PTPRD: variants seen among roughly 807,000 people sequenced by gnomAD.
The protein encoded by PTPRD is protein tyrosine phosphatase receptor type D.
Under a neutral mutation model 214.5 loss-of-function variants are expected in PTPRD, and 34 were observed. The observed-to-expected ratio is 0.16, with a 90% CI of 0.12 to 0.21. The LOEUF (loss-of-function observed/expected upper bound fraction) is 0.21, where lower values mean the gene tolerates loss of function less well. PTPRD is among the 10% of genes least tolerant of loss of function. PTPRD has a pLI of 1.00. For synonymous variants in PTPRD, 1,128 were observed against 845.7 expected (o/e 1.33, Z -5.79); for missense variants, 2,545 against 2,398.7 (o/e 1.06, Z -1.27).
intron 8 of PTPRD, among the ~76,000 whole-genome samples, chr9:9,490,689 A>C (rs10816143): frequency 0.7 from 105,338 of 151,556 alleles, 37,638 homozygotes; most frequent in African/African-American, 0.87. Flanking sequence ...GGATATAATT[A>C]CCATGGTAAT....
At chr9:8,936,372 A>AG (rs1379606537) in intron 11 of PTPRD, among the ~76,000 whole-genome samples, 4 of 135,118 alleles carry the variant, frequency 3.0e-5, no homozygotes, top group South Asian at 2.6e-4. Flanking sequence ...TGCGGCAGTG[A>AG]GCCTAGATTG....
chr9:8,839,317 TTTA>T (rs1324952995), intron 11 of PTPRD, among the ~76,000 whole-genome samples: 50 of 151,542 alleles, frequency 3.3e-4, no homozygotes, highest in Non-Finnish European at 6.2e-4. Context: ...TATTTATTTA[TTTA>T]TTTATTTATT....
chr9:9,441,547 A>T (rs2087810238), intron 8 of PTPRD, among the ~76,000 whole-genome samples: 1 of 152,168 alleles, frequency 6.6e-6, no homozygotes, highest in Non-Finnish European at 1.5e-5. Context: ...GAACTAAATG[A>T]TCTGTTCTCT....
intron 21 of PTPRD, among the ~76,000 whole-genome samples, chr9:8,512,243 A>G (rs924774829): frequency 2.6e-5 from 4 of 152,126 alleles, no homozygotes; most frequent in African/African-American, 9.6e-5. Context: ...AATTCAAAAC[A>G]AAGAGTCTGA....
chr9:9,763,916 T>C (rs544288068), intron 6 of PTPRD, among the ~76,000 whole-genome samples: 31 of 152,298 alleles, frequency 2.0e-4, no homozygotes, highest in African/African-American at 7.2e-4. Flanking sequence ...CTCATGCCTC[T>C]ATATATGACT....
At chr9:9,692,022 T>G (rs963137082) in intron 7 of PTPRD, among the ~76,000 whole-genome samples, 9 of 152,134 alleles carry the variant, frequency 5.9e-5, no homozygotes, top group African/African-American at 2.2e-4. Context: ...CTCTGGTTAT[T>G]AATCTCCTGT....
intron 7 of PTPRD, among the ~76,000 whole-genome samples, chr9:9,670,604 C>T (rs2096809888): frequency 2.0e-5 from 3 of 152,188 alleles, no homozygotes; most frequent in South Asian, 2.1e-4. Flanking sequence ...GTTCTGTGGG[C>T]CTGGCCCAGT....
chr9:8,782,951 T>G (rs2095796924), intron 11 of PTPRD, among the ~76,000 whole-genome samples: 1 of 152,076 alleles, frequency 6.6e-6, no homozygotes, highest in Non-Finnish European at 1.5e-5. Flanking sequence ...AAGCTCCAAA[T>G]AGGTAAGCAG....
At chr9:8,980,540 A>G (rs993090294) in intron 11 of PTPRD, among the ~76,000 whole-genome samples, 5 of 152,236 alleles carry the variant, frequency 3.3e-5, no homozygotes, top group African/African-American at 1.2e-4. Flanking sequence ...ATTGGAAAAT[A>G]ACATTAGGTT....
intron 12 of PTPRD, among the ~76,000 whole-genome samples, chr9:8,668,156 A>G (rs1278137503): frequency 3.3e-5 from 5 of 152,142 alleles, no homozygotes; most frequent in Non-Finnish European, 5.9e-5. Context: ...CTCTTTTAGC[A>G]CCATTTTACT....
intron 5 of PTPRD, among the ~76,000 whole-genome samples, chr9:9,853,813 C>T (rs1247216765): frequency 6.6e-6 from 1 of 152,168 alleles, no homozygotes; most frequent in Non-Finnish European, 1.5e-5. Flanking sequence ...GCCTCAGCCT[C>T]CCAAAGTGCT....
Position 8,766,542 on chromosome 9 carries a change from TA to T in PTPRD, c.-103-32597del, listed in dbSNP as rs1369286479. ...AAATAGAAAATTAATAATTTATCTA[TA>T]ATCATACAAATACACGACAATAAAC... On this transcript the variant is annotated intron_variant, in intron 11 of 45. Transcript: ENST00000381196. Among the ~76,000 whole-genome samples the T allele has an allele frequency of 2.0e-5, 3 of 152,318 alleles. No individual in the cohort carries two copies. In the East Asian group the frequency reaches 5.8e-4, roughly 29 times the overall value.
intron 14 of PTPRD, among the ~76,000 whole-genome samples, chr9:8,557,729 C>T (rs543056076): frequency 2.2e-4 from 26 of 118,458 alleles, no homozygotes; most frequent in Middle Eastern, 6.7e-3. Flanking sequence ...GGTGACAGAG[C>T]GAGACTGTCT....
chr9:9,665,472 T>C (rs749413517), intron 7 of PTPRD, among the ~76,000 whole-genome samples: 1 of 151,790 alleles, frequency 6.6e-6, no homozygotes, highest in Non-Finnish European at 1.5e-5. Context: ...ATTTATTAGA[T>C]ACTTAACTAT....
chr9:8,422,046 T>C (rs1392065384), intron 35 of PTPRD, among the ~76,000 whole-genome samples: 2 of 144,912 alleles, frequency 1.4e-5, no homozygotes, highest in African/African-American at 2.6e-5. Context: ...CTTGGGAGGC[T>C]GAGATGGGAG....
chr9:10,126,588 C>G (rs1034429148), intron 3 of PTPRD, among the ~76,000 whole-genome samples: 1 of 152,120 alleles, frequency 6.6e-6, no homozygotes, highest in Non-Finnish European at 1.5e-5. Context: ...CTATACTCTT[C>G]TATTTTCCCC....
intron 5 of PTPRD, among the ~76,000 whole-genome samples, chr9:9,852,105 A>T (rs923062367): frequency 3.9e-5 from 6 of 152,316 alleles, no homozygotes; most frequent in African/African-American, 1.4e-4. Context: ...AGATCGATGC[A>T]TTAAAATGTT....
At chr9:9,111,726 A>AT (rs2099806327) in intron 10 of PTPRD, among the ~76,000 whole-genome samples, 1 of 152,152 alleles carries the variant, frequency 6.6e-6, no homozygotes, top group East Asian at 1.9e-4. Context: ...CCACATATTT[A>AT]TTTTTTTCCT....
chr9:9,609,503 C>T (rs945234483), intron 7 of PTPRD, among the ~76,000 whole-genome samples: 7 of 152,144 alleles, frequency 4.6e-5, no homozygotes, highest in Non-Finnish European at 7.3e-5. Flanking sequence ...CGCTCTGTAG[C>T]CCAGGGTAGA....
Sources: allele counts gnomAD v4.1 joint callset (sites outside exome capture counted in the v4.1 genomes callset), GRCh38; gene constraint gnomAD v4.1.1; transcripts MANE v1.5; gene names NCBI Gene and HGNC (gene_info 2026-07-23, HGNC 2026-07-21).